Variants in PLXNB2 observed in about 807,000 individuals in gnomAD.
The protein encoded by PLXNB2 is plexin-B2.
PLXNB2 carries 85 observed loss-of-function variants against 202.6 expected under a neutral mutation model. The ratio of observed to expected loss-of-function variants is 0.42; its 90% CI spans 0.35 to 0.50. PLXNB2 has a LOEUF of 0.50. Among genes scored for constraint, PLXNB2 ranks in the 20% least tolerant of loss-of-function variants. The probability of loss-of-function intolerance (pLI) is 0.02; values close to 1 mark genes in which losing one functional copy is unlikely to be tolerated. For missense variants in PLXNB2, 2,063 were observed against 2,586.2 expected, an observed-to-expected ratio of 0.80 and a Z score of 4.39; for synonymous variants, 1,239 against 1,137.6, an observed-to-expected ratio of 1.09 and a Z score of -1.79.
In PLXNB2 at chr22:50,288,596, C is replaced by T; in HGVS notation, c.1380+147G>A. On this transcript the variant is annotated intron_variant, in intron 5 of 36. Coordinates refer to ENST00000359337, the MANE Select transcript of PLXNB2 (RefSeq NM_012401.4). The surrounding 1 kb of genome is among the most constrained non-coding windows in gnomAD (Gnocchi z 5.0). ...ATGGAGGCACTGCCCGGGACCCACC[C>T]AGCCACCCCTCATCCAGACCAAGGA... 1 of 1,117,644 alleles carries T rather than the reference C, an allele frequency of 8.9e-7. No homozygotes were observed. The highest frequency in any genetic ancestry group is 1.2e-6 in the Non-Finnish European group (1 of 800,718). The allele number at this position is 1,117,644 out of a possible 1,614,324, so 69.2% of individuals were successfully genotyped here.
Position 50,283,594 on chromosome 22 carries a change from C to T in PLXNB2, c.2570+8G>A, listed in dbSNP as rs762828176. ...CTGACAGGGCCCAGACCAGGGCCGT[C>T]CACTCACCGGGTGGACACGGAGTAA... On this transcript the variant is annotated splice_region_variant and intron_variant, in intron 15 of 36. Coordinates refer to ENST00000359337, the MANE Select transcript of PLXNB2 (RefSeq NM_012401.4). 1 of 1,612,084 alleles carries T rather than the reference C, an allele frequency of 6.2e-7. No homozygotes were observed. Among genetic ancestry groups the T allele is most frequent in the Admixed American group, 1.7e-5 (1 of 59,946 alleles).
chr22:50,280,486 C>T lies in PLXNB2; in HGVS notation c.4175+3G>A, dbSNP rs751414958. The T allele has an allele frequency of 3.7e-6, 6 of 1,602,992 alleles. No homozygotes were observed. Among genetic ancestry groups the T allele is most frequent in the Non-Finnish European group, 5.1e-6 (6 of 1,175,750 alleles). ...CCCCGCTCGTGGCCCCGCCCATGTG[C>T]ACCTGCGCAGCATCAGCTTGGGGTT... On this transcript the variant is annotated splice_donor_region_variant and intron_variant, in intron 25 of 36. Coordinates refer to ENST00000359337, the MANE Select transcript of PLXNB2 (RefSeq NM_012401.4).
chr22:50,277,300 C>A (rs1437236127), intron 33 of PLXNB2, among the ~76,000 whole-genome samples: 19 of 142,788 alleles, frequency 1.3e-4, no homozygotes, highest in South Asian at 2.2e-4. Flanking sequence ...GACTCCATCT[C>A]AAAAAAAAAA....
chr22:50,277,986 AGTT>A lies in PLXNB2; in HGVS notation c.4912_4914del (p.Asn1638del). ...CCAGGCGCCAGCACGCTCTGGAAGA[AGTT>A]GTCCACAAACTGCTGCAGTGTGCCC... On this transcript the variant is annotated inframe_deletion, in exon 32 of 37. Coordinates refer to ENST00000359337, the MANE Select transcript of PLXNB2 (RefSeq NM_012401.4). 6.2e-7 allele frequency: 1 copy of A among 1,612,360 alleles called. No individual in the cohort carries two copies. The highest frequency in any genetic ancestry group is 8.5e-7 in the Non-Finnish European group (1 of 1,179,704).
chr22:50,276,551 C>T (rs2065610572), intron 35 of PLXNB2, 78 bp downstream of exon 35: 7 of 1,263,422 alleles, frequency 5.5e-6, no homozygotes, highest in Non-Finnish European at 8.1e-6. Flanking sequence ...TACCCCTGCC[C>T]TGCAGCTCAG....
intron 1 of PLXNB2, among the ~76,000 whole-genome samples, chr22:50,299,676 C>T (rs1483290190): frequency 6.6e-6 from 1 of 152,082 alleles, no homozygotes; most frequent in African/African-American, 2.4e-5. Context: ...CGTGGGTAGG[C>T]GCGGGGAGGG....
chr22:50,285,139 T>C (rs34407639), intron 11 of PLXNB2, among the ~76,000 whole-genome samples: 27,353 of 148,884 alleles, frequency 0.18, 3,306 homozygotes, highest in Non-Finnish European at 0.26. Context: ...AGCTCAGGCT[T>C]CCCACACACC....
chr22:50,304,376 A>G (rs2067811558), intron 1 of PLXNB2, among the ~76,000 whole-genome samples: 1 of 152,100 alleles, frequency 6.6e-6, no homozygotes, highest in South Asian at 2.1e-4. Context: ...ATCCCTTCAC[A>G]CGCTTGGTCT....
intron 1 of PLXNB2, among the ~76,000 whole-genome samples, chr22:50,302,398 C>G (rs1167593312): frequency 6.6e-6 from 1 of 152,160 alleles, no homozygotes; most frequent in Non-Finnish European, 1.5e-5. Context: ...GTGGGTGCCC[C>G]TGGAGGCCAG....
intron 1 of PLXNB2, 54 bp downstream of exon 1, chr22:50,307,499 C>T (rs574900236): frequency 3.2e-5 from 29 of 908,554 alleles, no homozygotes; most frequent in Non-Finnish European, 3.7e-5. Context: ...ACGGCGAAGC[C>T]CCCCCCACGC....
At chr22:50,298,399 C>T (rs2147667865) in intron 1 of PLXNB2, among the ~76,000 whole-genome samples, 1 of 152,208 alleles carries the variant, frequency 6.6e-6, no homozygotes, top group South Asian at 2.1e-4. Flanking sequence ...AGCCCCCAGG[C>T]CCCTTGCACG....
At chr22:50,277,780 C>T (rs755808790) in intron 32 of PLXNB2, 42 bp from the exon 33 acceptor site, 32 of 1,596,204 alleles carry the variant, frequency 2.0e-5, no homozygotes, top group South Asian at 5.6e-5. Context: ...GGCTGGGCCG[C>T]GGGGTGGGTG....
At chr22:50,303,419 A>G (rs1422839047) in intron 1 of PLXNB2, among the ~76,000 whole-genome samples, 3 of 152,278 alleles carry the variant, frequency 2.0e-5, no homozygotes, top group Admixed American at 2.0e-4. Flanking sequence ...AGGGGGCCCA[A>G]TCTGTCTCTG....
At chr22:50,287,554 G>A in intron 7 of PLXNB2, 113 bp downstream of exon 7, 3 of 1,126,558 alleles carry the variant, frequency 2.7e-6, no homozygotes, top group Middle Eastern at 3.0e-4. Flanking sequence ...CCAGAGCCCA[G>A]GCGGGGGAGA....
chr22:50,276,016 G>A (rs1156485420), intron 35 of PLXNB2, 53 bp from the exon 36 acceptor site: 2 of 1,515,300 alleles, frequency 1.3e-6, no homozygotes, highest in East Asian at 2.3e-5. Context: ...GAGCCCCAGG[G>A]CTGGCAGGAG....
rs1196237209 is a variant in PLXNB2, at chr22:50,291,985, G to A, written c.-13-1388C>T. On this transcript the variant is annotated intron_variant, in intron 2 of 36. Transcript: ENST00000359337. The surrounding 1 kb of genome is among the most constrained non-coding windows in gnomAD (Gnocchi z 4.3). Reference sequence around the variant, plus strand: ...GCCACATCCTCTCAGGCCACCACAAGTGTCACCTCCCTGCATATGTCTCAT... The same window carrying A: ...GCCACATCCTCTCAGGCCACCACAAATGTCACCTCCCTGCATATGTCTCAT... Among the ~76,000 whole-genome samples, 1 of 152,196 alleles carries A rather than the reference G, an allele frequency of 6.6e-6. No individual in the cohort carries two copies. The highest frequency in any genetic ancestry group is 2.4e-5 in the African/African-American group (1 of 41,448).
intron 1 of PLXNB2, among the ~76,000 whole-genome samples, chr22:50,299,904 G>A (rs1188604921): frequency 6.6e-6 from 1 of 152,150 alleles, no homozygotes; most frequent in Admixed American, 6.5e-5. Flanking sequence ...GACCCAGGTG[G>A]CACAGCCCCT....
At chr22:50,295,302 G>A (rs958873538) in intron 1 of PLXNB2, among the ~76,000 whole-genome samples, 3 of 122,280 alleles carry the variant, frequency 2.5e-5, no homozygotes, top group Non-Finnish European at 5.1e-5. Context: ...GCCTGACTTC[G>A]TCTCAAAAAA....
Position 50,291,759 on chromosome 22 carries a change from T to A in PLXNB2, c.-13-1162A>T, listed in dbSNP as rs2066885049. Reference sequence around the variant, plus strand: ...CTCCCCTGCCAGTGCCCCCTCCTCATGCTCACAACCACCCCCACTCCTGGG... The same window carrying A: ...CTCCCCTGCCAGTGCCCCCTCCTCAAGCTCACAACCACCCCCACTCCTGGG... On this transcript the variant is annotated intron_variant, in intron 2 of 36. Coordinates refer to ENST00000359337, the MANE Select transcript of PLXNB2 (RefSeq NM_012401.4). The surrounding 1 kb of genome is among the most constrained non-coding windows in gnomAD (Gnocchi z 4.3). Among the ~76,000 whole-genome samples the A allele has an allele frequency of 6.6e-6, 1 of 152,074 alleles. No individual in the cohort carries two copies.
Sources: gnomAD v4.1 joint callset for allele counts (sites outside exome capture counted in the v4.1 genomes callset) on GRCh38, gnomAD v4.1.1 for gene constraint, Gnocchi (gnomAD v3.1) non-coding constraint, MANE v1.5 for transcripts, NCBI Gene and HGNC (gene_info 2026-07-23, HGNC 2026-07-21) for gene names.